PCNX1: variants seen among roughly 807,000 people sequenced by gnomAD.
PCNX1 encodes the protein pecanex-like protein 1.
A neutral mutation model predicts 242.2 loss-of-function variants in PCNX1; 78 were observed. That is an observed-to-expected ratio of 0.32 (90% CI 0.27 to 0.39). The LOEUF is 0.39. Ranked by LOEUF, PCNX1 falls within the 10% of genes least tolerant of loss-of-function variation. PCNX1 has a pLI of 1.00. For synonymous variants in PCNX1, 1,024 were observed against 1,032.9 expected, an observed-to-expected ratio of 0.99 and a Z score of 0.17; for missense variants, 2,581 against 2,856.5, an observed-to-expected ratio of 0.90 and a Z score of 2.20.
At chr14:70,993,269 C>T (rs868644880) in intron 7 of PCNX1, among the ~76,000 whole-genome samples, 10 of 151,334 alleles carry the variant, frequency 6.6e-5, no homozygotes, top group South Asian at 4.2e-4. Context: ...TACAGGCGCC[C>T]GCCACCATGC....
rs780823523 is a variant in PCNX1 at position 71,109,849 on chromosome 14, G to A, written c.6940G>A (p.Asp2314Asn). Residue 2314 changes from aspartate (D) to asparagine (N), a missense_variant, in exon 36 of 36, where the codon GAC becomes AAC. Physicochemically the swap from Asp to Asn is conservative, Grantham distance 23. Coordinates refer to ENST00000304743, the MANE Select transcript of PCNX1 (RefSeq NM_014982.3). ...AGATCCAGGTACCAGATCCCACATC[G>A]ACAAGGCAGTGCTTCTGGTCCAGAT... ...SRDPGTRSHI[D>N]KAVLLVQIDD... The A allele has an allele frequency of 1.5e-5, 24 of 1,612,570 alleles. No homozygotes were observed. Among genetic ancestry groups the A allele is most frequent in the East Asian group, 8.9e-5 (4 of 44,878 alleles).
chr14:70,978,386 T>C lies in PCNX1; in HGVS notation c.2049T>C (p.Ser683=). 2 of 1,614,236 alleles carry C rather than the reference T, an allele frequency of 1.2e-6. No homozygotes were observed. The highest frequency in any genetic ancestry group is 1.1e-5 in the South Asian group (1 of 91,082). The change falls in exon 6 of 36, where the codon AGT becomes AGC. Residue 683 remains serine, a synonymous_variant. Transcript: ENST00000304743. The part of the protein sequence containing the change: ...RATRRTSSTN[S]AKTRARVLSL... ...CACGACGGACTTCTAGCACAAATAG[T>C]GCCAAGACTCGTGCCCGAGTGTTGA...
At chr14:71,022,565 G>A (rs2060133155) in intron 12 of PCNX1, among the ~76,000 whole-genome samples, 1 of 152,122 alleles carries the variant, frequency 6.6e-6, no homozygotes, top group Non-Finnish European at 1.5e-5. Flanking sequence ...AAATTGTATG[G>A]TATGCCATTG....
intron 1 of PCNX1, among the ~76,000 whole-genome samples, chr14:70,924,067 CAAAAAGTACAAA>C (rs1399799034): frequency 6.6e-6 from 1 of 151,562 alleles, no homozygotes; most frequent in Non-Finnish European, 1.5e-5. Context: ...CCTGTCTCTA[CAAAAAGTACAAA>C]AAATTACCTG....
In PCNX1 at chr14:71,111,819, A is replaced by G. The variant is rs532474585; in HGVS notation, c.*1884A>G. ...TTTACAAAATTTACTGTTTAAAAATACTTGTCAAATGATTTACTGAACCTT... is the reference window on the plus strand; with the variant it reads ...TTTACAAAATTTACTGTTTAAAAATGCTTGTCAAATGATTTACTGAACCTT... On this transcript the variant is annotated 3_prime_UTR_variant, in exon 36 of 36. Coordinates refer to ENST00000304743, the MANE Select transcript of PCNX1 (RefSeq NM_014982.3). 3.3e-5 allele frequency: 5 copies of G among 152,366 alleles called. No individual in the cohort carries two copies. Among genetic ancestry groups the G allele is most frequent in the South Asian group, 4.1e-4 (2 of 4,832 alleles). 9.4% of individuals were successfully genotyped at this position (152,366 alleles called of 1,614,324 possible). A position where few individuals can be genotyped will look rare whatever the true frequency, so the allele number is the denominator to read the frequency against.
At chr14:70,948,763 A>ATGTGTATATG (rs2140323311) in intron 2 of PCNX1, among the ~76,000 whole-genome samples, 1 of 149,078 alleles carries the variant, frequency 6.7e-6, no homozygotes, top group South Asian at 2.1e-4. Context: ...ATGTACATAT[A>ATGTGTATATG]CACATATATG....
chr14:71,002,013 C>T (rs879129026), intron 8 of PCNX1, among the ~76,000 whole-genome samples: 1 of 152,140 alleles, frequency 6.6e-6, no homozygotes, highest in Admixed American at 6.5e-5. Context: ...TTTCATTGGC[C>T]ATACATAATC....
chr14:70,962,876 G>A (rs2058266462), intron 3 of PCNX1, among the ~76,000 whole-genome samples: 2 of 152,090 alleles, frequency 1.3e-5, no homozygotes, highest in South Asian at 2.1e-4. Context: ...CTAAATACCC[G>A]TACACTAATC....
In PCNX1 at chr14:70,997,755, A is replaced by G. The variant is rs189416467; in HGVS notation, c.2629+1830A>G. ...GTTCCAATGCCTATAAAGTTGGCCA[A>G]AAAAGATTCTGAAAATGAACTGCAA... is the stretch of plus-strand genomic sequence containing the variant. On this transcript the variant is annotated intron_variant, in intron 8 of 35. Transcript: ENST00000304743. Among the ~76,000 whole-genome samples, 223 of 152,292 alleles carry G rather than the reference A, an allele frequency of 1.5e-3. 4 individuals are homozygous for G. The highest frequency in any genetic ancestry group is 7.7e-4 in the East Asian group (4 of 5,190).
intron 24 of PCNX1, among the ~76,000 whole-genome samples, chr14:71,053,613 C>T (rs183470848): frequency 1.9e-4 from 29 of 152,124 alleles, no homozygotes; most frequent in Non-Finnish European, 2.6e-4. Flanking sequence ...CCACTGTGCC[C>T]GGCCTTATGG....
At chr14:70,922,749 G>C (rs1432296670) in intron 1 of PCNX1, among the ~76,000 whole-genome samples, 1 of 149,952 alleles carries the variant, frequency 6.7e-6, no homozygotes, top group South Asian at 2.1e-4. Flanking sequence ...GGGACATTTA[G>C]GTCATTACCT....
At chr14:70,959,158 A>G (rs2058106995) in intron 2 of PCNX1, among the ~76,000 whole-genome samples, 1 of 150,256 alleles carries the variant, frequency 6.7e-6, no homozygotes, top group Non-Finnish European at 1.5e-5. Flanking sequence ...CTTATGTAGC[A>G]TTTTCTAAGT....
At position 70,954,333 on chromosome 14, in the gene PCNX1, C is replaced by T. The variant is rs965832292; in HGVS notation, c.362+7210C>T. ...GCTTTAAAACATGACTCTTGATAGC[C>T]AGTGGGTTAAACCTCCTACCATATT... On this transcript the variant is annotated intron_variant, in intron 2 of 35. Coordinates refer to ENST00000304743, the MANE Select transcript of PCNX1 (RefSeq NM_014982.3). 1.5e-4 allele frequency among the ~76,000 whole-genome samples: 23 copies of T among 152,222 alleles called. 1 individual carries two copies. The highest frequency in any genetic ancestry group is 1.5e-3 in the Admixed American group (23 of 15,288).
At chr14:71,021,206 C>G (rs570272336) in intron 12 of PCNX1, among the ~76,000 whole-genome samples, 5 of 152,194 alleles carry the variant, frequency 3.3e-5, no homozygotes, top group African/African-American at 1.2e-4. Context: ...ATGCCTCCAG[C>G]TTTATTTTTT....
chr14:71,024,424 A>C (rs1185253303), intron 13 of PCNX1, among the ~76,000 whole-genome samples: 1 of 152,144 alleles, frequency 6.6e-6, no homozygotes, highest in Non-Finnish European at 1.5e-5. Context: ...CTTTCATGAT[A>C]TTGAAATTTT....
At chr14:71,009,253 A>C (rs1013228702) in intron 8 of PCNX1, among the ~76,000 whole-genome samples, 1 of 152,190 alleles carries the variant, frequency 6.6e-6, no homozygotes, top group African/African-American at 2.4e-5. Context: ...AGCTATTCCA[A>C]ATTTAAGAAG....
In PCNX1 at chr14:70,966,729, T is replaced by A. The variant is rs191000152; in HGVS notation, c.469-1469T>A. On this transcript the variant is annotated intron_variant, in intron 3 of 35. Coordinates refer to ENST00000304743, the MANE Select transcript of PCNX1 (RefSeq NM_014982.3). ...TGACTACCATATCCGTGTTTAAAAA[T>A]TTTTTTTTTAAGTTTAAATTCCTAG... 6.3e-3 allele frequency among the ~76,000 whole-genome samples: 957 copies of A among 151,232 alleles called. 4 individuals are homozygous for A. The highest frequency in any genetic ancestry group is 0.01 in the Middle Eastern group (3 of 292).
chr14:70,996,230 T>A lies in PCNX1; in HGVS notation c.2629+305T>A, dbSNP rs368208140. ...CATTTGTACCATGTAGGAGAAAACG[T>A]TGACTTTTTTAAAAAAAAAGTTTCT... is the stretch of plus-strand genomic sequence containing the variant. On this transcript the variant is annotated intron_variant, in intron 8 of 35. Transcript: ENST00000304743. Among the ~76,000 whole-genome samples the A allele has an allele frequency of 3.5e-3, 540 of 152,242 alleles. 1 individual carries two copies. Among genetic ancestry groups the A allele is most frequent in the African/African-American group, 0.013 (524 of 41,548 alleles).
intron 13 of PCNX1, among the ~76,000 whole-genome samples, chr14:71,024,727 A>G (rs2060194469): frequency 6.6e-6 from 1 of 152,142 alleles, no homozygotes. Flanking sequence ...TGGCCAGCTA[A>G]TTCTTTGCTT....
Sources: allele counts gnomAD v4.1 joint callset (sites outside exome capture counted in the v4.1 genomes callset), GRCh38; gene constraint gnomAD v4.1.1; transcripts MANE v1.5; gene names NCBI Gene and HGNC (gene_info 2026-07-23, HGNC 2026-07-21).